BMPR1A: variants seen among roughly 807,000 people sequenced by gnomAD.
BMPR1A encodes the protein bone morphogenetic protein receptor type 1A, also known as bone morphogenetic protein receptor type-1A.
In BMPR1A, 7 loss-of-function variants were observed where a neutral mutation model predicts 66.0. The observed-to-expected ratio is 0.11, with a 90% CI of 0.06 to 0.20. The LOEUF (loss-of-function observed/expected upper bound fraction) is 0.20, where lower values mean the gene tolerates loss of function less well. Among genes scored for constraint, BMPR1A ranks in the 10% least tolerant of loss-of-function variants. The pLI is 1.00. For synonymous variants in BMPR1A, 200 were observed against 229.7 expected, an observed-to-expected ratio of 0.87 and a Z score of 1.17; for missense variants, 408 against 669.1, an observed-to-expected ratio of 0.61 and a Z score of 4.31.
chr10:86,794,312 T>C (rs1250726896), intron 1 of BMPR1A, among the ~76,000 whole-genome samples: 10 of 152,206 alleles, frequency 6.6e-5, no homozygotes, highest in Admixed American at 6.5e-4. Flanking sequence ...CTTGTTCTGC[T>C]GTGTAGCAGC....
At chr10:86,856,692 C>T (rs1842646420) in intron 2 of BMPR1A, among the ~76,000 whole-genome samples, 1 of 152,138 alleles carries the variant, frequency 6.6e-6, no homozygotes, top group Non-Finnish European at 1.5e-5. Context: ...GACTGTAATA[C>T]AGTTCTGACA....
intron 8 of BMPR1A, among the ~76,000 whole-genome samples, chr10:86,915,574 C>T (rs1395280234): frequency 1.3e-5 from 2 of 151,986 alleles, no homozygotes; most frequent in African/African-American, 4.8e-5. Flanking sequence ...ACTAAAAATA[C>T]AAAAATTAGC....
Position 86,862,888 on chromosome 10 carries a change from G to C in BMPR1A, c.-152-12979G>C, listed in dbSNP as rs1223512340. ...GAAAGACTTAGGATCTAGCAAATTTGGGAGGGAAGAGGCAAGGAAAGATAA... is the reference window on the plus strand; with the variant it reads ...GAAAGACTTAGGATCTAGCAAATTTCGGAGGGAAGAGGCAAGGAAAGATAA... On this transcript the variant is annotated intron_variant, in intron 2 of 12. Coordinates refer to ENST00000372037, the MANE Select transcript of BMPR1A (RefSeq NM_004329.3). Among the ~76,000 whole-genome samples, 4 of 152,080 alleles carry C rather than the reference G, an allele frequency of 2.6e-5. No homozygotes were observed. In the East Asian group the frequency reaches 7.7e-4, roughly 29 times the overall value.
intron 1 of BMPR1A, among the ~76,000 whole-genome samples, chr10:86,808,048 T>C (rs976031046): frequency 6.6e-6 from 1 of 152,238 alleles, no homozygotes; most frequent in African/African-American, 2.4e-5. Flanking sequence ...TGTTGTTTTC[T>C]GTTTTGGAAG....
intron 1 of BMPR1A, among the ~76,000 whole-genome samples, chr10:86,797,281 A>G (rs1246629878): frequency 7.8e-6 from 1 of 128,538 alleles, no homozygotes; most frequent in Non-Finnish European, 1.6e-5. Context: ...TCTGGGCTGG[A>G]GTGTAGTGGC....
At chr10:86,877,564 G>T (rs1288524600) in intron 3 of BMPR1A, among the ~76,000 whole-genome samples, 1 of 151,938 alleles carries the variant, frequency 6.6e-6, no homozygotes, top group Non-Finnish European at 1.5e-5. Flanking sequence ...TTTTTATTTT[G>T]CCTTAGTATT....
intron 2 of BMPR1A, among the ~76,000 whole-genome samples, chr10:86,869,057 T>G (rs1206436615): frequency 6.6e-6 from 1 of 152,222 alleles, no homozygotes; most frequent in Non-Finnish European, 1.5e-5. Context: ...TCTCCTTATA[T>G]TCTTCACTTT....
intron 7 of BMPR1A, among the ~76,000 whole-genome samples, chr10:86,909,479 C>A (rs1012301660): frequency 6.6e-6 from 1 of 151,636 alleles, no homozygotes. Context: ...GCAGTCCCAG[C>A]TACTTGGGGT....
chr10:86,817,887 A>G (rs529587723), intron 1 of BMPR1A, among the ~76,000 whole-genome samples: 2 of 152,348 alleles, frequency 1.3e-5, no homozygotes, highest in African/African-American at 4.8e-5. Flanking sequence ...CACTGACACC[A>G]AAGTTAGACA....
intron 3 of BMPR1A, among the ~76,000 whole-genome samples, chr10:86,886,236 G>C (rs1319018045): frequency 6.6e-6 from 1 of 152,182 alleles, no homozygotes; most frequent in Non-Finnish European, 1.5e-5. Flanking sequence ...CCCAGATCCT[G>C]TTGGGCCCTG....
At chr10:86,764,493 C>T (rs1451480799) in intron 1 of BMPR1A, among the ~76,000 whole-genome samples, 5 of 152,106 alleles carry the variant, frequency 3.3e-5, no homozygotes, top group African/African-American at 4.8e-5. Context: ...TGAAGTTGTA[C>T]GTGTATATTT....
At chr10:86,869,662 C>T (rs537625450) in intron 2 of BMPR1A, among the ~76,000 whole-genome samples, 12 of 151,798 alleles carry the variant, frequency 7.9e-5, no homozygotes, top group Admixed American at 1.3e-4. Context: ...GATGCTGAGG[C>T]GGGAGAATCG....
intron 6 of BMPR1A, 57 bp downstream of exon 6, chr10:86,899,947 A>G (rs2133455419): frequency 3.1e-6 from 5 of 1,608,504 alleles, no homozygotes; most frequent in South Asian, 1.1e-5. Context: ...CTGGTTTTAC[A>G]GTAACCAGGC....
intron 1 of BMPR1A, among the ~76,000 whole-genome samples, chr10:86,777,425 T>TA (rs1435190801): frequency 6.6e-6 from 1 of 151,816 alleles, no homozygotes; most frequent in East Asian, 2.0e-4. Context: ...GCAAAAAAAT[T>TA]AAAAAGTTAT....
chr10:86,757,881 A>C (rs994679879), intron 1 of BMPR1A, among the ~76,000 whole-genome samples: 1 of 152,210 alleles, frequency 6.6e-6, no homozygotes, highest in African/African-American at 2.4e-5. Flanking sequence ...AGGAAGAAAA[A>C]AAACCAAAAC....
intron 2 of BMPR1A, chr10:86,856,181 G>T: frequency 1.9e-6 from 1 of 526,352 alleles, no homozygotes; most frequent in South Asian, 1.4e-5. Flanking sequence ...CACAGAGTTT[G>T]ACAATAGAAT....
intron 1 of BMPR1A, among the ~76,000 whole-genome samples, chr10:86,832,434 C>G (rs1022415009): frequency 6.6e-6 from 1 of 150,634 alleles, no homozygotes; most frequent in African/African-American, 2.5e-5. Flanking sequence ...CCATTGCACT[C>G]CAGCCTGGGC....
At chr10:86,864,236 C>A (rs1842750083) in intron 2 of BMPR1A, among the ~76,000 whole-genome samples, 1 of 152,178 alleles carries the variant, frequency 6.6e-6, no homozygotes. Flanking sequence ...TCTTTATCCC[C>A]AAAATTCAGT....
At chr10:86,826,262 T>G (rs1450912606) in intron 1 of BMPR1A, among the ~76,000 whole-genome samples, 1 of 152,204 alleles carries the variant, frequency 6.6e-6, no homozygotes, top group Non-Finnish European at 1.5e-5. Flanking sequence ...ATCTAACATG[T>G]GATCCCTATT....
Sources: allele counts gnomAD v4.1 joint callset (sites outside exome capture counted in the v4.1 genomes callset), GRCh38; gene constraint gnomAD v4.1.1; transcripts MANE v1.5; gene names NCBI Gene and HGNC (gene_info 2026-07-23, HGNC 2026-07-21).